CEP250: variants seen among roughly 807,000 people sequenced by gnomAD.
CEP250 encodes centrosome-associated protein CEP250.
CEP250 carries 242 observed loss-of-function variants against 315.7 expected under a neutral mutation model. The ratio of observed to expected loss-of-function variants is 0.77; its 90% CI spans 0.69 to 0.85. The LOEUF is 0.85. CEP250 is among the 40% of genes least tolerant of loss of function. CEP250 has a pLI of 0.00. For synonymous variants in CEP250, 1,088 were observed against 1,175.0 expected, an observed-to-expected ratio of 0.93 and a Z score of 1.51; for missense variants, 2,515 against 2,886.4, an observed-to-expected ratio of 0.87 and a Z score of 2.95.
At chr20:35,494,770 A>G (rs1276578979) in intron 24 of CEP250, 113 bp downstream of exon 24, 3 of 1,186,450 alleles carry the variant, frequency 2.5e-6, no homozygotes, top group Admixed American at 2.1e-5. Context: ...CAACTCTGGG[A>G]TGTACATGTA....
intron 2 of CEP250, among the ~76,000 whole-genome samples, chr20:35,458,937 T>C (rs918393971): frequency 6.6e-6 from 1 of 151,584 alleles, no homozygotes; most frequent in African/African-American, 2.4e-5. Context: ...TCTCCCCTTT[T>C]AGTATGGTAT....
intron 9 of CEP250, 37 bp from the exon 10 acceptor site, chr20:35,469,853 G>A (rs752513861): frequency 1.4e-6 from 2 of 1,414,956 alleles, no homozygotes; most frequent in African/African-American, 2.8e-5. Context: ...CACATCCATG[G>A]GCTGTTCTGG....
intron 20 of CEP250, among the ~76,000 whole-genome samples, chr20:35,488,206 C>T (rs1029334321): frequency 3.9e-5 from 6 of 152,200 alleles, no homozygotes; most frequent in African/African-American, 1.4e-4. Flanking sequence ...ACTTCTAACT[C>T]ACATAGAGCA....
chr20:35,488,941 T>C (rs2063602550), intron 20 of CEP250, among the ~76,000 whole-genome samples: 1 of 152,050 alleles, frequency 6.6e-6, no homozygotes, highest in Non-Finnish European at 1.5e-5. Context: ...ATCCTAGCAC[T>C]TTGGGAGGCC....
rs200644575 is a variant in CEP250 at position 35,500,070 on chromosome 20, C to T, written c.3799C>T (p.Gln1267Ter). Residue 1267 changes from glutamine to a stop codon, truncating the protein, a stop_gained, in exon 28 of 35, where the codon CAG becomes TAG. Transcript: ENST00000397527. LOFTEE classifies it high-confidence loss of function. ...CCAGGATGTTCTGAGGGATCAGGTC[C>T]AGAAACTGGAAGAGCGTCTAACTGA... is the stretch of plus-strand genomic sequence containing the variant. ...QTRDVLRDQV[Q>*]KLEERLTDTE... 4 of 1,614,116 alleles carry T rather than the reference C, an allele frequency of 2.5e-6. No individual in the cohort carries two copies. The highest frequency in any genetic ancestry group is 3.4e-6 in the Non-Finnish European group (4 of 1,180,008).
intron 34 of CEP250, 112 bp from the exon 35 acceptor site, chr20:35,511,251 G>C: frequency 1.1e-6 from 1 of 875,152 alleles, no homozygotes; most frequent in African/African-American, 1.7e-5. Context: ...ATGTGGTAGA[G>C]TTGATTCAGA....
chr20:35,480,321 G>A (rs1284568310), intron 20 of CEP250, among the ~76,000 whole-genome samples, 176 bp downstream of exon 20: 1 of 152,196 alleles, frequency 6.6e-6, no homozygotes, highest in Admixed American at 6.5e-5. Flanking sequence ...TTCCTAGCAT[G>A]TGGTGGGCTC....
rs1443009020 is a variant in CEP250, at chr20:35,519,216, AT to A, written c.*7592del. 6.6e-6 allele frequency: 1 copy of A among 152,154 alleles called. No homozygotes were observed. The allele number at this position is 152,154 out of a possible 1,614,324, so 9.4% of individuals were successfully genotyped here. A position where few individuals can be genotyped will look rare whatever the true frequency, so the allele number is the denominator to read the frequency against. The stretch of plus-strand genomic sequence containing the variant: ...CTTAATGCCACTGAACTTTATTGCC[AT>A]TGATAACTTTTAAATGGTAAATTTT... On this transcript the variant is annotated 3_prime_UTR_variant, in exon 35 of 35. Coordinates refer to ENST00000397527, the MANE Select transcript of CEP250 (RefSeq NM_007186.6).
intron 17 of CEP250, among the ~76,000 whole-genome samples, chr20:35,478,928 G>A (rs1205914087): frequency 6.6e-6 from 1 of 151,964 alleles, no homozygotes; most frequent in Non-Finnish European, 1.5e-5. Context: ...TCCCTTTCTC[G>A]GGACATTGAT....
At chr20:35,467,646 C>T (rs2062921589) in intron 9 of CEP250, 91 bp downstream of exon 9, 1 of 1,397,330 alleles carries the variant, frequency 7.2e-7, no homozygotes, top group Admixed American at 2.2e-5. Context: ...GTGCCAGGAA[C>T]ATTCCTACCA....
chr20:35,495,227 G>C (rs1352041410), intron 24 of CEP250, among the ~76,000 whole-genome samples: 1 of 152,204 alleles, frequency 6.6e-6, no homozygotes, highest in Non-Finnish European at 1.5e-5. Flanking sequence ...ATTGGAGCCT[G>C]GTGAATGAGG....
chr20:35,465,107 CT>C (rs963536579), intron 5 of CEP250, among the ~76,000 whole-genome samples: 1 of 152,002 alleles, frequency 6.6e-6, no homozygotes, highest in Non-Finnish European at 1.5e-5. Flanking sequence ...GCTGGAGACA[CT>C]GTAGCTCCAA....
chr20:35,458,647 A>C (rs1056404160), intron 2 of CEP250, among the ~76,000 whole-genome samples: 1 of 152,116 alleles, frequency 6.6e-6, no homozygotes, highest in Non-Finnish European at 1.5e-5. Flanking sequence ...GGGCTCTGCT[A>C]GTTTATTCCT....
chr20:35,469,900 C>T lies in CEP250; in HGVS notation c.862C>T (p.Leu288Phe). The change falls in exon 10 of 35, where the codon CTC (leucine) becomes TTC (phenylalanine). Residue 288 changes from leucine to phenylalanine, a missense_variant. Coordinates refer to ENST00000397527, the MANE Select transcript of CEP250 (RefSeq NM_007186.6). ...TGCTCTTCTCTTTAGGGTGACCGAG[C>T]TCTCTGCTCTGTTGACCCAGTCTCA... ...KAELQDRVTE[L>F]SALLTQSQKQ... 1 of 1,611,792 alleles carries T rather than the reference C, an allele frequency of 6.2e-7. No individual in the cohort carries two copies. The highest frequency in any genetic ancestry group is 8.5e-7 in the Non-Finnish European group (1 of 1,178,260).
rs1300690297 is a variant in CEP250, at chr20:35,472,036, T to G, written c.949-14T>G. The G allele has an allele frequency of 6.6e-7, 1 of 1,505,974 alleles. No homozygotes were observed. The highest frequency in any genetic ancestry group is 1.1e-5 in the South Asian group (1 of 88,736). The allele number at this position is 1,505,974 out of a possible 1,614,324, so 93.3% of individuals were successfully genotyped here. On this transcript the variant is annotated splice_polypyrimidine_tract_variant and intron_variant, in intron 10 of 34. Transcript: ENST00000397527. ...AGAGTTTGGCTCTGAGGCTCTGTTC[T>G]ATTCCCTGTTCAGGAGACAAATCAC...
In CEP250 at chr20:35,477,893, T is replaced by C; in HGVS notation, c.1886T>C (p.Val629Ala). The part of the protein sequence containing the change: ...LLQLEEENQS[V>A]CSRMEAAEQA... ...TAGTTAGAGGAGGAGAACCAGTCTGTGTGCAGCAGAATGGAGGCCGCAGAG... is the reference window on the plus strand; with the variant it reads ...TAGTTAGAGGAGGAGAACCAGTCTGCGTGCAGCAGAATGGAGGCCGCAGAG... The change falls in exon 17 of 35, where the codon GTG becomes GCG. Residue 629 changes from valine (V) to alanine (A), a missense_variant. Coordinates refer to ENST00000397527, the MANE Select transcript of CEP250 (RefSeq NM_007186.6). 1 of 1,591,334 alleles carries C rather than the reference T, an allele frequency of 6.3e-7. No individual in the cohort carries two copies. Among genetic ancestry groups the C allele is most frequent in the Non-Finnish European group, 8.6e-7 (1 of 1,168,882 alleles).
At chr20:35,482,200 A>G (rs1029328857) in intron 20 of CEP250, among the ~76,000 whole-genome samples, 12 of 151,972 alleles carry the variant, frequency 7.9e-5, no homozygotes, top group African/African-American at 2.9e-4. Flanking sequence ...CATTTTAATC[A>G]TTCCACAGTT....
At chr20:35,464,386 G>A (rs1474341178) in intron 5 of CEP250, among the ~76,000 whole-genome samples, 1 of 152,118 alleles carries the variant, frequency 6.6e-6, no homozygotes, top group Non-Finnish European at 1.5e-5. Context: ...ATGAGTCACT[G>A]CAGCCTCAGC....
At chr20:35,475,888 A>G (rs977729768) in intron 15 of CEP250, among the ~76,000 whole-genome samples, 3 of 152,228 alleles carry the variant, frequency 2.0e-5, no homozygotes, top group Non-Finnish European at 4.4e-5. Flanking sequence ...CTGTGGTGCC[A>G]CATTCAAAGC....
Sources: allele counts gnomAD v4.1 joint callset (sites outside exome capture counted in the v4.1 genomes callset), GRCh38; gene constraint gnomAD v4.1.1; transcripts MANE v1.5; gene names NCBI Gene and HGNC (gene_info 2026-07-23, HGNC 2026-07-21).